Variants in NRG1 observed in about 807,000 individuals in gnomAD.
The protein encoded by NRG1 is pro-neuregulin-1, membrane-bound isoform.
NRG1 carries 18 observed loss-of-function variants against 63.8 expected under a neutral mutation model. That is an observed-to-expected ratio of 0.28 (90% CI 0.19 to 0.42). The LOEUF is 0.42. NRG1 is among the 10% of genes least tolerant of loss of function. The pLI is 1.00. For synonymous variants in NRG1, 302 were observed against 301.3 expected (o/e 1.00, Z -0.02); for missense variants, 762 against 814.7 (o/e 0.94, Z 0.79).
At chr8:31,700,960 C>T (rs1036979506) in intron 1 of NRG1, among the ~76,000 whole-genome samples, 5 of 152,142 alleles carry the variant, frequency 3.3e-5, no homozygotes, top group Non-Finnish European at 7.3e-5. Flanking sequence ...TGTGGTTGGA[C>T]TTGGAGCTTC....
intron 1 of NRG1, among the ~76,000 whole-genome samples, chr8:31,728,840 A>G (rs1460691652): frequency 6.6e-6 from 1 of 152,210 alleles, no homozygotes; most frequent in African/African-American, 2.4e-5. Flanking sequence ...TCAGGGTCAT[A>G]TAATAATGTT....
chr8:32,176,187 A>G (rs1200386908), intron 1 of NRG1, among the ~76,000 whole-genome samples: 2 of 152,198 alleles, frequency 1.3e-5, no homozygotes, highest in Non-Finnish European at 2.9e-5. Context: ...ATCTACAACC[A>G]TCTGATCTTT....
intron 1 of NRG1, among the ~76,000 whole-genome samples, chr8:32,132,850 T>C (rs1034398954): frequency 6.6e-6 from 1 of 152,126 alleles, no homozygotes; most frequent in Admixed American, 6.6e-5. Context: ...AGTTTAATCA[T>C]CCATCTTTGC....
rs954802700 is a variant in NRG1, at chr8:32,742,372, A to G, written c.633-303A>G. Among the ~76,000 whole-genome samples, 7 of 152,122 alleles carry G rather than the reference A, an allele frequency of 4.6e-5. No homozygotes were observed. Among genetic ancestry groups the G allele is most frequent in the African/African-American group, 1.7e-4 (7 of 41,432 alleles). On this transcript the variant is annotated intron_variant, in intron 6 of 11. Transcript: ENST00000356819. The surrounding 1 kb of genome is among the most constrained non-coding windows in gnomAD (Gnocchi z 4.2). ...GTGTGTGACCAAAGCCATCATATGG[A>G]AAACTGAGATGAATAAAACATCGGA...
rs142922592 is a variant in NRG1, at chr8:31,937,576, G to A, written c.37+298145G>A. On this transcript the variant is annotated intron_variant, in intron 1 of 10. Coordinates refer to the NRG1 transcript ENST00000519301. ...TCCCTGAGATGTCGAAAAACTGTGA[G>A]TCTGCTTGCTTTCTCAATGGGGATG... Among the ~76,000 whole-genome samples, 721 of 152,278 alleles carry A rather than the reference G, an allele frequency of 4.7e-3. 4 individuals are homozygous for A. Among genetic ancestry groups the A allele is most frequent in the African/African-American group, 0.016 (674 of 41,556 alleles).
chr8:32,366,675 G>GTATATATATATATATA (rs1461103070), intron 1 of NRG1, among the ~76,000 whole-genome samples: 1 of 54,538 alleles, frequency 1.8e-5, no homozygotes, highest in African/African-American at 7.1e-5. Context: ...GTGTGTGTGT[G>GTATATATATATATATA]TGTATATATA....
chr8:32,203,119 C>T (rs1384918776), intron 1 of NRG1, among the ~76,000 whole-genome samples: 1 of 147,150 alleles, frequency 6.8e-6, no homozygotes, highest in African/African-American at 2.5e-5. Flanking sequence ...CTGCCACTGG[C>T]TTTGTGGTCC....
chr8:32,272,642 G>C (rs1255036350), intron 1 of NRG1, among the ~76,000 whole-genome samples: 1 of 152,130 alleles, frequency 6.6e-6, no homozygotes, highest in Non-Finnish European at 1.5e-5. Context: ...AGGGAATCTG[G>C]GTTGCTGGAT....
At chr8:32,091,197 G>C (rs1179854356) in intron 1 of NRG1, among the ~76,000 whole-genome samples, 1 of 150,922 alleles carries the variant, frequency 6.6e-6, no homozygotes, top group African/African-American at 2.4e-5. Context: ...AGAATGGCGT[G>C]AACCCGGGAG....
At chr8:32,369,474 A>G (rs1808524539) in intron 1 of NRG1, among the ~76,000 whole-genome samples, 2 of 152,208 alleles carry the variant, frequency 1.3e-5, no homozygotes, top group African/African-American at 4.8e-5. Context: ...AGGTATTGAG[A>G]AGAAGATGGT....
At chr8:32,146,820 G>A (rs572590518) in intron 1 of NRG1, among the ~76,000 whole-genome samples, 7 of 151,804 alleles carry the variant, frequency 4.6e-5, no homozygotes, top group South Asian at 2.1e-4. Context: ...CTCCTTCTAC[G>A]TATTAATTGG....
intron 1 of NRG1, among the ~76,000 whole-genome samples, chr8:31,824,103 G>T (rs1406679916): frequency 1.3e-5 from 2 of 151,414 alleles, no homozygotes; most frequent in Admixed American, 1.3e-4. Context: ...GTGCCATGTT[G>T]GTGTGCTGCA....
intron 1 of NRG1, among the ~76,000 whole-genome samples, chr8:31,648,750 G>T (rs1804551641): frequency 6.6e-6 from 1 of 152,010 alleles, no homozygotes; most frequent in Non-Finnish European, 1.5e-5. Flanking sequence ...CTTTTGAAAG[G>T]CTCAATAATT....
chr8:31,884,098 A>G (rs186130559), intron 1 of NRG1, among the ~76,000 whole-genome samples: 40 of 152,236 alleles, frequency 2.6e-4, no homozygotes, highest in Non-Finnish European at 5.6e-4. Context: ...GCTGCCCCCA[A>G]TGAATTTTTA....
At chr8:31,689,119 G>A (rs1243279251) in intron 1 of NRG1, among the ~76,000 whole-genome samples, 2 of 151,698 alleles carry the variant, frequency 1.3e-5, no homozygotes, top group African/African-American at 4.8e-5. Flanking sequence ...AATTTCATGG[G>A]GCCCACCCAG....
rs367674967 is a variant in NRG1 at position 31,926,601 on chromosome 8, C to A, written c.37+287170C>A. Among the ~76,000 whole-genome samples the A allele has an allele frequency of 4.6e-5, 7 of 152,226 alleles. No individual in the cohort carries two copies. In the East Asian group the frequency reaches 9.7e-4, roughly 21 times the overall value. ...AAAAGATTTTTCTGAACAACAATAT[C>A]CTCATATGTGCAATGAAACATTTTG... On this transcript the variant is annotated intron_variant, in intron 1 of 10. Coordinates refer to the NRG1 transcript ENST00000519301.
intron 1 of NRG1, among the ~76,000 whole-genome samples, chr8:31,823,015 C>A (rs1586648960): frequency 6.6e-6 from 1 of 151,770 alleles, no homozygotes; most frequent in Non-Finnish European, 1.5e-5. Flanking sequence ...AATATAGAGT[C>A]TCTGACAGCC....
intron 5 of NRG1, among the ~76,000 whole-genome samples, chr8:32,632,556 A>AG (rs1265084260): frequency 6.6e-6 from 1 of 151,790 alleles, no homozygotes; most frequent in African/African-American, 2.4e-5. Flanking sequence ...TCTCAAAAAA[A>AG]AAAAAAAAAA....
At chr8:32,542,641 T>C (rs1208209893) in intron 1 of NRG1, among the ~76,000 whole-genome samples, 1 of 152,188 alleles carries the variant, frequency 6.6e-6, no homozygotes, top group Non-Finnish European at 1.5e-5. Flanking sequence ...ATGCAAGCTA[T>C]GCAGGCATGG....
Sources: gnomAD v4.1 joint callset for allele counts (sites outside exome capture counted in the v4.1 genomes callset) on GRCh38, gnomAD v4.1.1 for gene constraint, Gnocchi (gnomAD v3.1) non-coding constraint, MANE v1.5 for transcripts, NCBI Gene and HGNC (gene_info 2026-07-23, HGNC 2026-07-21) for gene names.